CHST12: variants seen among roughly 807,000 people sequenced by gnomAD.
The protein encoded by CHST12 is carbohydrate sulfotransferase 12, also known as carbohydrate (chondroitin 4) sulfotransferase 12.
CHST12 carries 23 observed loss-of-function variants against 27.9 expected under a neutral mutation model. That is an observed-to-expected ratio of 0.82 (90% CI 0.59 to 1.17). The LOEUF is 1.17. CHST12 is among the 50% of genes most tolerant of loss of function. The probability of loss-of-function intolerance (pLI) is 0.00; values close to 1 mark genes in which losing one functional copy is unlikely to be tolerated. For missense variants in CHST12, 682 were observed against 603.0 expected (o/e 1.13, Z -1.37); for synonymous variants, 322 against 273.0 (o/e 1.18, Z -1.77).
In CHST12 at chr7:2,438,025, CTGGAAGCTG is replaced by C. The variant is rs1232299121; in HGVS notation, c.*4146_*4154del. On this transcript the variant is annotated 3_prime_UTR_variant, in exon 2 of 2. Coordinates refer to ENST00000618655, the MANE Select transcript of CHST12 (RefSeq NM_018641.5). ...ACACGGATGGGAGCAGCCATCTGAG[CTGGAAGCTG>C]TGGACATGGTCCTTGTGTGGGTCCA... 3.3e-5 allele frequency: 5 copies of C among 152,328 alleles called. No individual in the cohort carries two copies. Among genetic ancestry groups the C allele is most frequent in the Admixed American group, 6.5e-5 (1 of 15,278 alleles). 9.4% of individuals were successfully genotyped at this position (152,328 alleles called of 1,614,324 possible). A position where few individuals can be genotyped will look rare whatever the true frequency, so the allele number is the denominator to read the frequency against.
chr7:2,427,269 T>C (rs916228659), intron 1 of CHST12, among the ~76,000 whole-genome samples: 12 of 151,984 alleles, frequency 7.9e-5, no homozygotes, highest in African/African-American at 4.8e-5. Flanking sequence ...GAGGCCGAGG[T>C]GGCCAGCTTG....
chr7:2,404,712 C>T (rs536875432), intron 1 of CHST12, among the ~76,000 whole-genome samples: 84 of 152,350 alleles, frequency 5.5e-4, no homozygotes, highest in Middle Eastern at 6.8e-3. Flanking sequence ...CACGAAGGTG[C>T]AACGCTTGAG....
chr7:2,418,113 G>A (rs920261668), intron 1 of CHST12, among the ~76,000 whole-genome samples: 1 of 152,254 alleles, frequency 6.6e-6, no homozygotes, highest in South Asian at 2.1e-4. Flanking sequence ...CCCACAGTCA[G>A]CATGAGTATT....
chr7:2,433,490 T>C lies in CHST12; in HGVS notation c.851T>C (p.Leu284Pro), dbSNP rs3735102. The change falls in exon 2 of 2, where the codon CTG becomes CCG. Residue 284 changes from leucine (L) to proline (P), a missense_variant. Coordinates refer to ENST00000618655, the MANE Select transcript of CHST12 (RefSeq NM_018641.5). The surrounding 1 kb of genome is among the most constrained non-coding windows in gnomAD (Gnocchi z 6.1). ...CGGCTGTACGCCAACCACACCAGCCTGCCCGCCTCGGCGCGCGAGGCCTTC... is the reference window on the plus strand; with the variant it reads ...CGGCTGTACGCCAACCACACCAGCCCGCCCGCCTCGGCGCGCGAGGCCTTC... Reference protein sequence around the residue: ...MLRLYANHTSLPASAREAFRA... With the variant: ...MLRLYANHTSPPASAREAFRA... 8 of 1,611,766 alleles carry C rather than the reference T, an allele frequency of 5.0e-6. No individual in the cohort carries two copies. Among genetic ancestry groups the C allele is most frequent in the Non-Finnish European group, 6.8e-6 (8 of 1,179,880 alleles).
At chr7:2,406,258 G>A (rs1781520851) in intron 1 of CHST12, among the ~76,000 whole-genome samples, 1 of 151,920 alleles carries the variant, frequency 6.6e-6, no homozygotes, top group East Asian at 1.9e-4. Context: ...GGAGATAATT[G>A]ACTCTCCAAC....
chr7:2,414,183 C>G (rs1302880715), intron 1 of CHST12, among the ~76,000 whole-genome samples: 3 of 152,054 alleles, frequency 2.0e-5, no homozygotes, highest in African/African-American at 7.2e-5. Flanking sequence ...TGTAAGAGCT[C>G]TTTATATATT....
rs1035662591 is a variant in CHST12, at chr7:2,436,312, G to A, written c.*2428G>A. ...CGCTCCCCATTGGTAGAAGGCAGCA[G>A]CTTCCACTCTCTGATTTCTACTACC... On this transcript the variant is annotated 3_prime_UTR_variant, in exon 2 of 2. Coordinates refer to ENST00000618655, the MANE Select transcript of CHST12 (RefSeq NM_018641.5). 1 of 152,198 alleles carries A rather than the reference G, an allele frequency of 6.6e-6. No individual in the cohort carries two copies. The highest frequency in any genetic ancestry group is 6.5e-5 in the Admixed American group (1 of 15,276). The allele number at this position is 152,198 out of a possible 1,614,324, so 9.4% of individuals were successfully genotyped here. A position where few individuals can be genotyped will look rare whatever the true frequency, so the allele number is the denominator to read the frequency against.
chr7:2,441,654 C>G lies in CHST12; in HGVS notation c.*7770C>G, dbSNP rs1782608151. On this transcript the variant is annotated 3_prime_UTR_variant, in exon 2 of 2. Coordinates refer to ENST00000618655, the MANE Select transcript of CHST12 (RefSeq NM_018641.5). The stretch of plus-strand genomic sequence containing the variant: ...GCTGCTGTGAGCCATGATTGCACCA[C>G]TGCATTCCAGCCTGGGTGACAGAGC... 1 of 141,448 alleles carries G rather than the reference C, an allele frequency of 7.1e-6. No individual in the cohort carries two copies. Among genetic ancestry groups the G allele is most frequent in the Non-Finnish European group, 1.5e-5 (1 of 67,000 alleles). 8.8% of individuals were successfully genotyped at this position (141,448 alleles called of 1,614,324 possible).
At chr7:2,426,037 C>G (rs750611416) in intron 1 of CHST12, among the ~76,000 whole-genome samples, 36 of 152,122 alleles carry the variant, frequency 2.4e-4, no homozygotes, top group Admixed American at 9.2e-4. Flanking sequence ...AGCAGGGGAC[C>G]TCTTTGGGGG....
intron 1 of CHST12, among the ~76,000 whole-genome samples, chr7:2,426,667 A>G (rs978599705): frequency 6.6e-6 from 1 of 151,712 alleles, no homozygotes; most frequent in African/African-American, 2.4e-5. Context: ...TGTTGCTAAT[A>G]TTAAAAAAAT....
At chr7:2,420,640 C>G (rs1215205870) in intron 1 of CHST12, among the ~76,000 whole-genome samples, 2 of 152,050 alleles carry the variant, frequency 1.3e-5, no homozygotes, top group Non-Finnish European at 2.9e-5. Flanking sequence ...GATGCCATCT[C>G]TACAAAAAAT....
chr7:2,426,096 G>C (rs554842035), intron 1 of CHST12, among the ~76,000 whole-genome samples: 1 of 152,196 alleles, frequency 6.6e-6, no homozygotes, highest in Admixed American at 6.5e-5. Flanking sequence ...CGTGCGAAGG[G>C]ACTGCCAGTG....
rs1489802458 is a variant in CHST12 at position 2,445,810 on chromosome 7, T to TG, written c.*11930dup. Reference sequence around the variant, plus strand: ...GTCACCCTTTAAGGAGAAAGTGGCCTGGGGCTGGAAACAGGACTTTGTAGG... The same window carrying TG: ...GTCACCCTTTAAGGAGAAAGTGGCCTGGGGGCTGGAAACAGGACTTTGTAGG... On this transcript the variant is annotated 3_prime_UTR_variant, in exon 2 of 2. Coordinates refer to ENST00000618655, the MANE Select transcript of CHST12 (RefSeq NM_018641.5). 1 of 152,204 alleles carries TG rather than the reference T, an allele frequency of 6.6e-6. No individual in the cohort carries two copies. Among genetic ancestry groups the TG allele is most frequent in the Non-Finnish European group, 1.5e-5 (1 of 68,056 alleles). 9.4% of individuals were successfully genotyped at this position (152,204 alleles called of 1,614,324 possible).
rs1782563229 is a variant in CHST12, at chr7:2,439,981, A to G, written c.*6097A>G. ...GTGCTCCTTCTGCCTCAGCCTCCCA[A>G]AGTGCTGGGATTACAGGCGTGGGCT... On this transcript the variant is annotated 3_prime_UTR_variant, in exon 2 of 2. Transcript: ENST00000618655. 6.6e-6 allele frequency: 1 copy of G among 152,138 alleles called. No individual in the cohort carries two copies. The highest frequency in any genetic ancestry group is 2.4e-5 in the African/African-American group (1 of 41,432). The allele number at this position is 152,138 out of a possible 1,614,324, so 9.4% of individuals were successfully genotyped here.
chr7:2,409,916 C>T (rs1781620334), intron 1 of CHST12, among the ~76,000 whole-genome samples: 2 of 151,930 alleles, frequency 1.3e-5, no homozygotes, highest in Admixed American at 1.3e-4. Context: ...GCTGTCTCGT[C>T]GTTGTGGTCA....
chr7:2,446,667 GA>G lies in CHST12; in HGVS notation c.*12784del, dbSNP rs1343799545. The G allele has an allele frequency of 6.5e-6, 1 of 153,046 alleles. No homozygotes were observed. Among genetic ancestry groups the G allele is most frequent in the Non-Finnish European group, 1.5e-5 (1 of 68,194 alleles). 9.5% of individuals were successfully genotyped at this position (153,046 alleles called of 1,614,324 possible). On this transcript the variant is annotated 3_prime_UTR_variant, in exon 2 of 2. Coordinates refer to ENST00000618655, the MANE Select transcript of CHST12 (RefSeq NM_018641.5). Reference sequence around the variant, plus strand: ...TGTCTGTTGTCCCGAGCACCTTGGAGATGTCATTTCTAACATTTTAACCCAG... The same window carrying G: ...TGTCTGTTGTCCCGAGCACCTTGGAGTGTCATTTCTAACATTTTAACCCAG...
chr7:2,418,689 C>T (rs1419917072), intron 1 of CHST12, among the ~76,000 whole-genome samples: 1 of 152,216 alleles, frequency 6.6e-6, no homozygotes, highest in African/African-American at 2.4e-5. Context: ...CTGAATGCTT[C>T]TCTCCTGCCC....
rs150939856 is a variant in CHST12 at position 2,433,188 on chromosome 7, C to A, written c.549C>A (p.Ile183=). ...GCACCAACTGGAAGCGCGTGATGAT[C>A]GTGCTGAGCGGAAGCCTGCTGCACC... is the stretch of plus-strand genomic sequence containing the variant. ...VACTNWKRVM[I]VLSGSLLHRG... is the part of the protein sequence containing the mutation. Residue 183 remains isoleucine, a synonymous_variant, in exon 2 of 2, where the codon ATC becomes ATA. Coordinates refer to ENST00000618655, the MANE Select transcript of CHST12 (RefSeq NM_018641.5). The surrounding 1 kb of genome is among the most constrained non-coding windows in gnomAD (Gnocchi z 6.1). 4.3e-6 allele frequency: 7 copies of A among 1,612,996 alleles called. No homozygotes were observed. Among genetic ancestry groups the A allele is most frequent in the Middle Eastern group, 1.6e-4 (1 of 6,062 alleles).
chr7:2,419,401 C>CA (rs35870806), intron 1 of CHST12, among the ~76,000 whole-genome samples: 36 of 113,056 alleles, frequency 3.2e-4, no homozygotes, highest in Non-Finnish European at 5.3e-4. Context: ...ACCCTGTCTC[C>CA]AAAAAAAAAA....
Sources: allele counts gnomAD v4.1 joint callset (sites outside exome capture counted in the v4.1 genomes callset), GRCh38; gene constraint gnomAD v4.1.1; non-coding constraint Gnocchi (gnomAD v3.1); transcripts MANE v1.5; gene names NCBI Gene and HGNC (gene_info 2026-07-23, HGNC 2026-07-21).